IQGAP2: variants seen among roughly 807,000 people sequenced by gnomAD.
The protein encoded by IQGAP2 is IQ motif containing GTPase activating protein 2.
Under a neutral mutation model 201.3 loss-of-function variants are expected in IQGAP2, and 173 were observed. The ratio of observed to expected loss-of-function variants is 0.86; its 90% CI spans 0.76 to 0.98. The LOEUF is 0.98. IQGAP2 is among the 50% of genes least tolerant of loss of function. The pLI, the probability that IQGAP2 is intolerant of heterozygous loss-of-function variation, is 0.00. For missense variants in IQGAP2, 1,687 were observed against 1,864.8 expected (o/e 0.90, Z 1.76); for synonymous variants, 675 against 673.9 (o/e 1.00, Z -0.03).
At chr5:76,454,279 GAT>G (rs942437337) in intron 1 of IQGAP2, among the ~76,000 whole-genome samples, 1 of 151,218 alleles carries the variant, frequency 6.6e-6, no homozygotes, top group South Asian at 2.2e-4. Flanking sequence ...AAAGAAATTA[GAT>G]ATATATATAT....
chr5:76,544,701 T>C (rs1742987911), intron 2 of IQGAP2, among the ~76,000 whole-genome samples: 1 of 152,308 alleles, frequency 6.6e-6, no homozygotes, highest in East Asian at 1.9e-4. Context: ...TTTTTTTTGG[T>C]CATATATACA....
intron 16 of IQGAP2, among the ~76,000 whole-genome samples, chr5:76,637,822 T>G (rs1251204383): frequency 6.6e-6 from 1 of 152,238 alleles, no homozygotes; most frequent in Non-Finnish European, 1.5e-5. Context: ...ATACTTTGCT[T>G]TCAATTAACT....
intron 2 of IQGAP2, among the ~76,000 whole-genome samples, chr5:76,469,538 A>G (rs1754992062): frequency 6.6e-6 from 1 of 151,898 alleles, no homozygotes; most frequent in African/African-American, 2.4e-5. Flanking sequence ...CCAAGTAGCT[A>G]GGATTACAGA....
In IQGAP2 at chr5:76,588,900, T is replaced by C. The variant is rs1362436781; in HGVS notation, c.459-6T>C. The C allele has an allele frequency of 1.9e-6, 3 of 1,575,692 alleles. No homozygotes were observed. In the East Asian group the frequency reaches 6.8e-5, roughly 36 times the overall value. The stretch of plus-strand genomic sequence containing the variant: ...TTTCTGATAATTTTGTGTTTTTTTC[T>C]TTCAGTTTGTATCTGTTCAAACTAG... On this transcript the variant is annotated splice_region_variant and splice_polypyrimidine_tract_variant and intron_variant, in intron 5 of 35. Coordinates refer to ENST00000274364, the MANE Select transcript of IQGAP2 (RefSeq NM_006633.5).
At chr5:76,455,324 A>G (rs1360713645) in intron 1 of IQGAP2, among the ~76,000 whole-genome samples, 1 of 151,920 alleles carries the variant, frequency 6.6e-6, no homozygotes, top group Non-Finnish European at 1.5e-5. Flanking sequence ...ATGGTGGCGC[A>G]TGCCTGTAGT....
chr5:76,590,333 C>T (rs1210909424), intron 7 of IQGAP2, 75 bp from the exon 8 acceptor site: 1 of 1,156,486 alleles, frequency 8.6e-7, no homozygotes. Flanking sequence ...CTTGAGTTTA[C>T]ACAGGGTCAA....
intron 21 of IQGAP2, among the ~76,000 whole-genome samples, 156 bp from the exon 22 acceptor site, chr5:76,664,868 GAA>G (rs59744281): frequency 6.6e-6 from 1 of 151,634 alleles, no homozygotes. Flanking sequence ...AATTTGCAAA[GAA>G]AAAAAATGCG....
At chr5:76,662,725 G>A (rs561769994) in intron 21 of IQGAP2, among the ~76,000 whole-genome samples, 2 of 152,282 alleles carry the variant, frequency 1.3e-5, no homozygotes, top group South Asian at 2.1e-4. Context: ...TCAGACAGCC[G>A]CCTGCCTAGA....
chr5:76,528,051 A>G (rs550126055), intron 2 of IQGAP2, among the ~76,000 whole-genome samples: 2 of 152,324 alleles, frequency 1.3e-5, no homozygotes, highest in African/African-American at 4.8e-5. Flanking sequence ...TCTAGACCTC[A>G]GGTGAGGTCC....
intron 2 of IQGAP2, among the ~76,000 whole-genome samples, chr5:76,555,906 T>C (rs1009427907): frequency 4.6e-5 from 7 of 152,180 alleles, no homozygotes; most frequent in African/African-American, 1.7e-4. Context: ...CTTCTGTGGT[T>C]ACAACCCAGT....
intron 2 of IQGAP2, among the ~76,000 whole-genome samples, chr5:76,465,580 G>A (rs936034779): frequency 8.5e-5 from 13 of 152,260 alleles, no homozygotes; most frequent in African/African-American, 2.4e-4. Flanking sequence ...AAAGGAAGAC[G>A]TGAAACTATT....
At chr5:76,689,476 C>G (rs749090369) in intron 30 of IQGAP2, among the ~76,000 whole-genome samples, 10 of 152,086 alleles carry the variant, frequency 6.6e-5, no homozygotes, top group Non-Finnish European at 1.3e-4. Flanking sequence ...AGTTGTCAAC[C>G]TTTCATTATA....
intron 2 of IQGAP2, among the ~76,000 whole-genome samples, chr5:76,510,071 C>G (rs545226200): frequency 6.6e-6 from 1 of 150,774 alleles, no homozygotes; most frequent in Admixed American, 6.6e-5. Context: ...TCAATCTCAG[C>G]TCACTGTGAA....
intron 11 of IQGAP2, among the ~76,000 whole-genome samples, chr5:76,603,190 CTCTCACCATCAGGAACTTG>C (rs1747550421): frequency 1.3e-5 from 2 of 152,116 alleles, no homozygotes; most frequent in South Asian, 4.1e-4. Flanking sequence ...ATGCGTGGTC[CTCTCACCATCAGGAACTTG>C]GTGCCTTTAC....
At chr5:76,628,243 A>G (rs1243245757) in intron 14 of IQGAP2, among the ~76,000 whole-genome samples, 1 of 152,206 alleles carries the variant, frequency 6.6e-6, no homozygotes, top group South Asian at 2.1e-4. Context: ...ATTAGTGGAC[A>G]CTTGCTCTGA....
At chr5:76,477,549 G>A (rs180961345) in intron 2 of IQGAP2, among the ~76,000 whole-genome samples, 320 of 152,190 alleles carry the variant, frequency 2.1e-3, no homozygotes, top group African/African-American at 7.1e-3. Flanking sequence ...AAAGTATAGC[G>A]CATACAAATG....
At chr5:76,445,237 G>A (rs1221218308) in intron 1 of IQGAP2, among the ~76,000 whole-genome samples, 1 of 152,174 alleles carries the variant, frequency 6.6e-6, no homozygotes, top group African/African-American at 2.4e-5. Context: ...TTAGGGAAAG[G>A]TGATGGAGTT....
chr5:76,565,839 C>T (rs989862512), intron 3 of IQGAP2, among the ~76,000 whole-genome samples: 10 of 152,152 alleles, frequency 6.6e-5, no homozygotes, highest in African/African-American at 2.4e-4. Context: ...AAGCCTCCTG[C>T]AGAACCACCT....
intron 13 of IQGAP2, chr5:76,617,936 G>A: frequency 1.2e-6 from 2 of 1,614,112 alleles, no homozygotes; most frequent in South Asian, 2.2e-5. Flanking sequence ...AGAGTTGGAA[G>A]GGAGATGAGG....
Sources: allele counts gnomAD v4.1 joint callset (sites outside exome capture counted in the v4.1 genomes callset), GRCh38; gene constraint gnomAD v4.1.1; transcripts MANE v1.5; gene names NCBI Gene and HGNC (gene_info 2026-07-23, HGNC 2026-07-21).